RTBDN: variants seen among roughly 807,000 people sequenced by gnomAD.
RTBDN encodes the protein retbindin.
A neutral mutation model predicts 21.9 loss-of-function variants in RTBDN; 24 were observed. The ratio of observed to expected loss-of-function variants is 1.10; its 90% CI spans 0.79 to 1.54. The LOEUF is 1.54. Ranked by LOEUF, RTBDN falls within the 40% of genes most tolerant of loss-of-function variation. The pLI, the probability that RTBDN is intolerant of heterozygous loss-of-function variation, is 0.00. For missense variants in RTBDN, 325 were observed against 315.2 expected, an observed-to-expected ratio of 1.03 and a Z score of -0.23; for synonymous variants, 141 against 125.9, an observed-to-expected ratio of 1.12 and a Z score of -0.80.
chr19:12,830,755 G>C lies in RTBDN; in HGVS notation c.-18-758C>G. ...CACTCCAGCTGACCAAAGGCTGGCC[G>C]ACTTGGGGCTGGTGTGTATATATCC... On this transcript the variant is annotated intron_variant, in intron 1 of 5. Transcript: ENST00000674343. The surrounding 1 kb of genome is among the most constrained non-coding windows in gnomAD (Gnocchi z 4.2). 2 of 802,428 alleles carry C rather than the reference G, an allele frequency of 2.5e-6. No individual in the cohort carries two copies. The highest frequency in any genetic ancestry group is 3.0e-6 in the Non-Finnish European group (2 of 662,732). 49.7% of individuals were successfully genotyped at this position (802,428 alleles called of 1,614,324 possible).
chr19:12,834,922 A>G (rs1351930480), upstream of RTBDN: 1 of 1,572,828 alleles, frequency 6.4e-7, no homozygotes, highest in Non-Finnish European at 8.8e-7. This position sits in a 1 kb window ranked among gnomAD's most constrained non-coding sequence, Gnocchi z 4.7. Context: ...AGGTGATGAT[A>G]TCTGTGCCCC....
In RTBDN at chr19:12,830,359, T is replaced by C. The variant is rs1969520656; in HGVS notation, c.-18-362A>G. 4 of 1,010,772 alleles carry C rather than the reference T, an allele frequency of 4.0e-6. No homozygotes were observed. Among genetic ancestry groups the C allele is most frequent in the Non-Finnish European group, 4.7e-6 (4 of 846,602 alleles). The allele number at this position is 1,010,772 out of a possible 1,614,324, so 62.6% of individuals were successfully genotyped here. A position where few individuals can be genotyped will look rare whatever the true frequency, so the allele number is the denominator to read the frequency against. On this transcript the variant is annotated intron_variant, in intron 1 of 5. Transcript: ENST00000674343. This position sits in a 1 kb window ranked among gnomAD's most constrained non-coding sequence, Gnocchi z 4.2. ...TAGGTCTTCCAATCCCCCTCTCCTG[T>C]TCAGTAATTCCTCCCTCTCTTCTAT...
intron 1 of RTBDN, among the ~76,000 whole-genome samples, chr19:12,831,042 G>A (rs1239644951): frequency 4.0e-5 from 6 of 151,806 alleles, no homozygotes; most frequent in Admixed American, 3.3e-4. Flanking sequence ...GTGTGTGTGT[G>A]TGTGTGTGTG....
Position 12,825,874 on chromosome 19 carries a change from A to T in RTBDN, c.522T>A (p.Ala174=). Residue 174 remains alanine (A), a synonymous_variant, in exon 6 of 6, where the codon GCT becomes GCA. Transcript: ENST00000674343. ...RSALGHALPV[A]APGARHCFNI... ...TGAAGCAGTGACGGGCTCCAGGAGCAGCCACCGGTAGGGCGTGGCCCAGAG... is the reference window on the plus strand; with the variant it reads ...TGAAGCAGTGACGGGCTCCAGGAGCTGCCACCGGTAGGGCGTGGCCCAGAG... The T allele has an allele frequency of 6.2e-7, 1 of 1,613,286 alleles. No individual in the cohort carries two copies. Among genetic ancestry groups the T allele is most frequent in the Non-Finnish European group, 8.5e-7 (1 of 1,179,726 alleles).
chr19:12,828,634 C>T lies in RTBDN; in HGVS notation c.365+23G>A, dbSNP rs577876747. 10 of 1,582,954 alleles carry T rather than the reference C, an allele frequency of 6.3e-6. No individual in the cohort carries two copies. The African/African-American group carries it at 9.4e-5, about 15-fold the overall frequency. On this transcript the variant is annotated intron_variant, in intron 4 of 5. Coordinates refer to ENST00000674343, the MANE Select transcript of RTBDN (RefSeq NM_001270441.2). ...TTCCCCGCCCAAGTCACAACCCACG[C>T]CCCTTGCCCCCGCGTCTCCTACCAG...
At chr19:12,832,937 T>G (rs76808157) in intron 1 of RTBDN, 2 of 152,244 alleles carry the variant, frequency 1.3e-5, no homozygotes, top group East Asian at 3.9e-4. Flanking sequence ...GCTCGGACAC[T>G]CTCCTCTCCA....
Position 12,830,634 on chromosome 19 carries a change from G to A in RTBDN, c.-18-637C>T. On this transcript the variant is annotated intron_variant, in intron 1 of 5. Coordinates refer to ENST00000674343, the MANE Select transcript of RTBDN (RefSeq NM_001270441.2). The surrounding 1 kb of genome is among the most constrained non-coding windows in gnomAD (Gnocchi z 4.2). ...CACCTGTTGGCTGGATTGGGGTCTA[G>A]AGGCCGCTAAGACACCTCAGGATCC... 4.1e-6 allele frequency: 4 copies of A among 985,616 alleles called. No homozygotes were observed. Among genetic ancestry groups the A allele is most frequent in the Non-Finnish European group, 4.8e-6 (4 of 830,094 alleles). The allele number at this position is 985,616 out of a possible 1,614,324, so 61.1% of individuals were successfully genotyped here. A position where few individuals can be genotyped will look rare whatever the true frequency, so the allele number is the denominator to read the frequency against.
In RTBDN at chr19:12,830,228, C is replaced by A. The variant is rs571397521; in HGVS notation, c.-18-231G>T. The A allele has an allele frequency of 3.1e-6, 4 of 1,293,546 alleles. No homozygotes were observed. The highest frequency in any genetic ancestry group is 6.0e-4 in the Middle Eastern group (2 of 3,334). The allele number at this position is 1,293,546 out of a possible 1,614,324, so 80.1% of individuals were successfully genotyped here. The stretch of plus-strand genomic sequence containing the variant: ...GTCCTCTATGTCCCTTCAGTGCCAC[C>A]CCAACCAAGCTTAGACCACAGTGGC... On this transcript the variant is annotated intron_variant, in intron 1 of 5. Transcript: ENST00000674343. This position sits in a 1 kb window ranked among gnomAD's most constrained non-coding sequence, Gnocchi z 4.2.
In RTBDN at chr19:12,828,735, G is replaced by T; in HGVS notation, c.287C>A (p.Ala96Asp). 1.2e-6 allele frequency: 2 copies of T among 1,614,252 alleles called. No homozygotes were observed. The highest frequency in any genetic ancestry group is 8.5e-7 in the Non-Finnish European group (1 of 1,180,048). Residue 96 changes from alanine to aspartate, a missense_variant, in exon 4 of 6, where the codon GCC becomes GAC. Physicochemically the swap from Ala to Asp is moderately radical, Grantham distance 126. Transcript: ENST00000674343. ...CESFLEHLQR[A>D]LRSRFRLRLL... ...CCGCAGGCGGAAGCGACTGCGAAGG[G>T]CACGTTGGAGGTGTTCCAGGAAGGA...
chr19:12,826,637 C>G (rs1443217473), intron 5 of RTBDN, 138 bp downstream of exon 5: 1 of 732,378 alleles, frequency 1.4e-6, no homozygotes, highest in Admixed American at 2.7e-5. Context: ...GAGGTTGCAT[C>G]GAGCTGAGAT....
At position 12,825,996 on chromosome 19, in the gene RTBDN, C is replaced by G; in HGVS notation, c.463-63G>C. 3 of 1,466,236 alleles carry G rather than the reference C, an allele frequency of 2.0e-6. No homozygotes were observed. The South Asian group carries it at 4.3e-5, about 21-fold the overall frequency. 90.8% of individuals were successfully genotyped at this position (1,466,236 alleles called of 1,614,324 possible). ...TCCAGAGACGTGGGGGGCGTGGCCT[C>G]GGGAAGGGAAAAATGTGTAAATTCC... On this transcript the variant is annotated intron_variant, in intron 5 of 5. Coordinates refer to ENST00000674343, the MANE Select transcript of RTBDN (RefSeq NM_001270441.2).
chr19:12,825,911 A>G lies in RTBDN; in HGVS notation c.485T>C (p.Leu162Pro). The G allele has an allele frequency of 6.3e-7, 1 of 1,598,362 alleles. No individual in the cohort carries two copies. Among genetic ancestry groups the G allele is most frequent in the Non-Finnish European group, 8.5e-7 (1 of 1,170,470 alleles). Residue 162 changes from leucine to proline, a missense_variant, in exon 6 of 6, where the codon CTT becomes CCT. By Grantham distance (98) the Leu-to-Pro change is moderately conservative (BLOSUM62 -3). Transcript: ENST00000674343. The stretch of plus-strand genomic sequence containing the variant: ...GGCGTGGCCCAGAGCCGAGCGACAA[A>G]GGTCCGTCCCGTCTGCGAAGGTCTA... ...YGQTFADGTD[L>P]CRSALGHALP...
Position 12,825,927 on chromosome 19 carries a change from C to T in RTBDN, c.469G>A (p.Ala157Thr). The T allele has an allele frequency of 6.3e-7, 1 of 1,582,670 alleles. No homozygotes were observed. The highest frequency in any genetic ancestry group is 8.6e-7 in the Non-Finnish European group (1 of 1,161,586). Residue 157 changes from alanine to threonine, a missense_variant, in exon 6 of 6, where the codon GCA becomes ACA. By Grantham distance (58) the Ala-to-Thr change is moderately conservative. Transcript: ENST00000674343. Reference protein sequence around the residue: ...PSCLTYGQTFADGTDLCRSAL... With the variant: ...PSCLTYGQTFTDGTDLCRSAL... ...GAGCGACAAAGGTCCGTCCCGTCTGCGAAGGTCTAGGAAAAAGTGGAGTTA... is the reference window on the plus strand; with the variant it reads ...GAGCGACAAAGGTCCGTCCCGTCTGTGAAGGTCTAGGAAAAAGTGGAGTTA...
upstream of RTBDN, chr19:12,834,590 C>CG: frequency 2.0e-6 from 3 of 1,516,590 alleles, no homozygotes; most frequent in South Asian, 3.6e-5. The surrounding 1 kb of genome is among the most constrained non-coding windows in gnomAD (Gnocchi z 4.7). Flanking sequence ...ATCCGCCCCC[C>CG]CACCGCGATC....
intron 4 of RTBDN, among the ~76,000 whole-genome samples, chr19:12,827,569 C>T (rs1299106939): frequency 6.6e-6 from 1 of 151,952 alleles, no homozygotes; most frequent in Non-Finnish European, 1.5e-5. Context: ...GGGATCTGCC[C>T]ACCTTGGCCT....
At chr19:12,829,766 T>G (rs1599558217) in intron 2 of RTBDN, 45 bp downstream of exon 2, 1 of 1,567,764 alleles carries the variant, frequency 6.4e-7, no homozygotes, top group Non-Finnish European at 8.7e-7. Context: ...AGGGTAGGTG[T>G]GGGTTTCTGG....
Position 12,834,375 on chromosome 19 carries a change from C to G in RTBDN, c.-19+114G>C. 1.3e-6 allele frequency: 1 copy of G among 787,946 alleles called. No individual in the cohort carries two copies. Among genetic ancestry groups the G allele is most frequent in the Non-Finnish European group, 2.1e-6 (1 of 483,432 alleles). 48.8% of individuals were successfully genotyped at this position (787,946 alleles called of 1,614,324 possible). A position where few individuals can be genotyped will look rare whatever the true frequency, so the allele number is the denominator to read the frequency against. ...AAGTTATTGCCCTAGGGCTCATGCC[C>G]CTCGGGGCCATCGGCGCCGCTGGAG... On this transcript the variant is annotated intron_variant, in intron 1 of 5. Coordinates refer to ENST00000674343, the MANE Select transcript of RTBDN (RefSeq NM_001270441.2). This position sits in a 1 kb window ranked among gnomAD's most constrained non-coding sequence, Gnocchi z 4.7.
intron 1 of RTBDN, among the ~76,000 whole-genome samples, chr19:12,831,243 G>A (rs781457719): frequency 1.3e-5 from 2 of 152,178 alleles, no homozygotes; most frequent in Non-Finnish European, 2.9e-5. Context: ...ACAAAGAAAT[G>A]TCATGTGCTG....
At chr19:12,827,016 C>A in intron 4 of RTBDN, 145 bp from the exon 5 acceptor site, 1 of 639,878 alleles carries the variant, frequency 1.6e-6, no homozygotes. Context: ...TAACTAACCC[C>A]ATCTCTCCAG....
Sources: allele counts gnomAD v4.1 joint callset (sites outside exome capture counted in the v4.1 genomes callset), GRCh38; gene constraint gnomAD v4.1.1; non-coding constraint Gnocchi (gnomAD v3.1); transcripts MANE v1.5; gene names NCBI Gene and HGNC (gene_info 2026-07-23, HGNC 2026-07-21).